The following PCP4L1 variants were observed in gnomAD, a reference collection of about 807,000 sequenced individuals.
PCP4L1 encodes Purkinje cell protein 4 like 1.
In PCP4L1, 9 loss-of-function variants were observed where a neutral mutation model predicts 9.6. That is an observed-to-expected ratio of 0.94 (90% CI 0.57 to 1.64). The LOEUF (loss-of-function observed/expected upper bound fraction) is 1.64. Among genes scored for constraint, PCP4L1 ranks in the 40% most tolerant of loss-of-function variants. The pLI is 0.00. For missense variants in PCP4L1, 81 were observed against 80.8 expected, an observed-to-expected ratio of 1.00 and a Z score of -0.01; for synonymous variants, 31 against 28.2, an observed-to-expected ratio of 1.10 and a Z score of -0.31.
At chr1:161,264,019 C>A (rs1669465574) in intron 1 of PCP4L1, among the ~76,000 whole-genome samples, 1 of 146,478 alleles carries the variant, frequency 6.8e-6, no homozygotes, top group African/African-American at 2.5e-5. Flanking sequence ...AAGTGATTCT[C>A]CTGCCTCAGC....
chr1:161,267,657 C>T (rs1262286947), intron 1 of PCP4L1, among the ~76,000 whole-genome samples: 1 of 152,154 alleles, frequency 6.6e-6, no homozygotes, highest in African/African-American at 2.4e-5. Flanking sequence ...GAAAACAGCA[C>T]CAAAGTTGCT....
At position 161,263,847 on chromosome 1, in the gene PCP4L1, G is replaced by T. The variant is rs151285588; in HGVS notation, c.9+4864G>T. On this transcript the variant is annotated intron_variant, in intron 1 of 2. Coordinates refer to ENST00000504449, the MANE Select transcript of PCP4L1 (RefSeq NM_001102566.2). ...AGTTCACCCATCTCAGCCTCCCAAAGAGCTGGGATTACAGGCATGAGCTAC... is the reference window on the plus strand; with the variant it reads ...AGTTCACCCATCTCAGCCTCCCAAATAGCTGGGATTACAGGCATGAGCTAC... Among the ~76,000 whole-genome samples the T allele has an allele frequency of 1.2e-3, 179 of 147,002 alleles. 6 individuals are homozygous for T. In the East Asian group the frequency reaches 0.031, roughly 25 times the overall value.
chr1:161,270,410 C>T (rs2102235047), intron 1 of PCP4L1, among the ~76,000 whole-genome samples: 1 of 152,074 alleles, frequency 6.6e-6, no homozygotes, highest in South Asian at 2.1e-4. Flanking sequence ...TTAGGGTGTG[C>T]AATGGTCTGA....
intron 1 of PCP4L1, among the ~76,000 whole-genome samples, chr1:161,265,394 G>A (rs1025270326): frequency 6.6e-6 from 1 of 152,096 alleles, no homozygotes; most frequent in Admixed American, 6.6e-5. Context: ...GCCAGATATG[G>A]TGGTGTGCAT....
intron 1 of PCP4L1, among the ~76,000 whole-genome samples, chr1:161,271,405 A>G (rs1669624200): frequency 6.6e-6 from 1 of 152,212 alleles, no homozygotes; most frequent in Admixed American, 6.5e-5. Context: ...TTTTTATTAT[A>G]GAGATTTAAA....
intron 1 of PCP4L1, among the ~76,000 whole-genome samples, chr1:161,271,705 T>C (rs546523211): frequency 6.6e-6 from 1 of 152,324 alleles, no homozygotes; most frequent in East Asian, 1.9e-4. Context: ...GGTTTCACCA[T>C]GTTGGCCAGG....
At chr1:161,271,371 T>G (rs1174399262) in intron 1 of PCP4L1, among the ~76,000 whole-genome samples, 1 of 152,224 alleles carries the variant, frequency 6.6e-6, no homozygotes, top group African/African-American at 2.4e-5. Flanking sequence ...TGTTCAAATA[T>G]TTTGCCCATT....
intron 1 of PCP4L1, among the ~76,000 whole-genome samples, chr1:161,276,127 T>G (rs1241032751): frequency 6.6e-6 from 1 of 152,168 alleles, no homozygotes; most frequent in Non-Finnish European, 1.5e-5. Flanking sequence ...ACAAACCTCT[T>G]GTGATGACAG....
intron 1 of PCP4L1, among the ~76,000 whole-genome samples, chr1:161,263,238 TTTTTG>T (rs553504365): frequency 1.4e-3 from 181 of 127,754 alleles, no homozygotes; most frequent in African/African-American, 4.3e-3. Flanking sequence ...TTTGTTTTTG[TTTTTG>T]TTTTTTTTTG....
chr1:161,280,357 C>T (rs1387859812), intron 1 of PCP4L1, among the ~76,000 whole-genome samples: 2 of 152,180 alleles, frequency 1.3e-5, no homozygotes, highest in Non-Finnish European at 2.9e-5. Flanking sequence ...CACCCCCTCT[C>T]TCCTATTCCA....
chr1:161,264,789 A>G (rs1388694399), intron 1 of PCP4L1, among the ~76,000 whole-genome samples: 1 of 152,216 alleles, frequency 6.6e-6, no homozygotes, highest in Non-Finnish European at 1.5e-5. Flanking sequence ...TGATGGCACC[A>G]CTACACTCCA....
intron 1 of PCP4L1, among the ~76,000 whole-genome samples, chr1:161,266,063 T>C (rs1221069052): frequency 6.6e-6 from 1 of 152,084 alleles, no homozygotes; most frequent in Non-Finnish European, 1.5e-5. Flanking sequence ...CTAAGAGATC[T>C]GCATCCCTGA....
chr1:161,259,006 C>T (rs1252832802), intron 1 of PCP4L1, 23 bp downstream of exon 1: 1 of 1,530,610 alleles, frequency 6.5e-7, no homozygotes, highest in Non-Finnish European at 8.7e-7. Context: ...GCCCCCGGCG[C>T]TGTCGGCAGG....
chr1:161,277,403 T>C (rs995015645), intron 1 of PCP4L1, among the ~76,000 whole-genome samples: 5 of 152,334 alleles, frequency 3.3e-5, no homozygotes, highest in Admixed American at 3.3e-4. Context: ...CTGTTTTCTA[T>C]TGTGTGATTT....
chr1:161,281,277 A>G (rs562060247), intron 1 of PCP4L1, among the ~76,000 whole-genome samples: 4,311 of 152,118 alleles, frequency 0.028, 199 homozygotes, highest in African/African-American at 0.099. Flanking sequence ...CGATTTCTCA[A>G]TCTTTTCCCC....
intron 1 of PCP4L1, among the ~76,000 whole-genome samples, chr1:161,272,812 G>C (rs554214654): frequency 1.3e-5 from 2 of 152,196 alleles, no homozygotes; most frequent in South Asian, 4.1e-4. Context: ...TTCCTGAGGA[G>C]GAGAAGGGTG....
chr1:161,263,416 T>A (rs1483442386), intron 1 of PCP4L1, among the ~76,000 whole-genome samples: 1 of 151,904 alleles, frequency 6.6e-6, no homozygotes, highest in Non-Finnish European at 1.5e-5. Context: ...TTTTTGTATT[T>A]TTAGTAGAGA....
intron 1 of PCP4L1, among the ~76,000 whole-genome samples, chr1:161,281,716 GGCCGGGCAGAGAC>G (rs1669810387): frequency 6.8e-6 from 1 of 147,938 alleles, no homozygotes. Context: ...CAGACGGGGC[GGCCGGGCAGAGAC>G]GCTCCTCACC....
chr1:161,284,885 A>G lies in PCP4L1; in HGVS notation c.*404A>G, dbSNP rs924828791. The stretch of plus-strand genomic sequence containing the variant: ...CTGTTCTGCTAGTTACGGCATTCAC[A>G]CTTTAGGTAACATTTTTTTTCCCCT... On this transcript the variant is annotated 3_prime_UTR_variant, in exon 3 of 3. Transcript: ENST00000504449. 17 of 176,482 alleles carry G rather than the reference A, an allele frequency of 9.6e-5. No homozygotes were observed. The highest frequency in any genetic ancestry group is 1.8e-4 in the Non-Finnish European group (15 of 82,534). The allele number at this position is 176,482 out of a possible 1,614,324, so 10.9% of individuals were successfully genotyped here.
Sources: allele counts gnomAD v4.1 joint callset (sites outside exome capture counted in the v4.1 genomes callset), GRCh38; gene constraint gnomAD v4.1.1; transcripts MANE v1.5; gene names NCBI Gene and HGNC (gene_info 2026-07-23, HGNC 2026-07-21).